Variants in ITPR1 observed in about 807,000 individuals in gnomAD.
The protein encoded by ITPR1 is inositol 1,4,5-trisphosphate-gated calcium channel ITPR1.
In ITPR1, 96 loss-of-function variants were observed where a neutral mutation model predicts 318.4. The observed-to-expected ratio is 0.30, with a 90% CI of 0.26 to 0.36. ITPR1 has a LOEUF of 0.36. Ranked by LOEUF, ITPR1 falls within the 10% of genes least tolerant of loss-of-function variation. The probability of loss-of-function intolerance (pLI) is 1.00; values close to 1 mark genes in which losing one functional copy is unlikely to be tolerated. For synonymous variants in ITPR1, 1,312 were observed against 1,289.9 expected, an observed-to-expected ratio of 1.02 and a Z score of -0.37; for missense variants, 2,440 against 3,460.2, an observed-to-expected ratio of 0.71 and a Z score of 7.40.
chr3:4,771,375 C>T (rs985174258), intron 46 of ITPR1, among the ~76,000 whole-genome samples: 14 of 152,196 alleles, frequency 9.2e-5, no homozygotes, highest in African/African-American at 3.4e-4. Context: ...AGAATCCCTC[C>T]ATGAGTGTCA....
chr3:4,712,799 T>A (rs1328082147), intron 39 of ITPR1, among the ~76,000 whole-genome samples: 3 of 152,236 alleles, frequency 2.0e-5, no homozygotes, highest in Non-Finnish European at 4.4e-5. Context: ...ACTCCTTGGA[T>A]AAGAAAACAG....
chr3:4,727,120 T>A lies in ITPR1; in HGVS notation c.5173-6T>A, dbSNP rs2042572702. On this transcript the variant is annotated splice_region_variant and splice_polypyrimidine_tract_variant and intron_variant, in intron 41 of 61. Transcript: ENST00000649015. ...TATTAAAATGGAATTTCTGCATGCC[T>A]AGCAGGAGCTTGAACCAAGTCCACC... The A allele has an allele frequency of 6.3e-7, 1 of 1,597,802 alleles. No homozygotes were observed. The highest frequency in any genetic ancestry group is 8.5e-7 in the Non-Finnish European group (1 of 1,178,608).
intron 44 of ITPR1, 67 bp from the exon 45 acceptor site, chr3:4,766,463 G>A: frequency 1.5e-6 from 2 of 1,342,444 alleles, no homozygotes; most frequent in Non-Finnish European, 2.1e-6. Context: ...TTAGGTTTTG[G>A]TGTCATGAGT....
chr3:4,646,401 A>G (rs1055890850), intron 10 of ITPR1, among the ~76,000 whole-genome samples: 1 of 152,244 alleles, frequency 6.6e-6, no homozygotes, highest in Non-Finnish European at 1.5e-5. Flanking sequence ...GGAGTAGGTT[A>G]CTTCATGTAA....
At chr3:4,615,196 C>T (rs1467941674) in intron 4 of ITPR1, among the ~76,000 whole-genome samples, 3 of 152,068 alleles carry the variant, frequency 2.0e-5, no homozygotes, top group Non-Finnish European at 4.4e-5. Context: ...TTATCACAGT[C>T]TTTAATAAGC....
chr3:4,583,852 C>A (rs1203827308), intron 4 of ITPR1, among the ~76,000 whole-genome samples: 1 of 152,076 alleles, frequency 6.6e-6, no homozygotes, highest in East Asian at 1.9e-4. Context: ...GGTGATGTAC[C>A]CCTCACTAAT....
Position 4,731,873 on chromosome 3 carries a change from A to G in ITPR1, c.5221-1215A>G, listed in dbSNP as rs578227179. 3.3e-5 allele frequency among the ~76,000 whole-genome samples: 5 copies of G among 152,308 alleles called. No individual in the cohort carries two copies. In the East Asian group the frequency reaches 7.7e-4, roughly 24 times the overall value. On this transcript the variant is annotated intron_variant, in intron 42 of 61. Coordinates refer to ENST00000649015, the MANE Select transcript of ITPR1 (RefSeq NM_001378452.1). ...AGAGCTTATTAACAAATCATTTTAA[A>G]TTCTTCTGACTCATGGTTCAGTTGC...
At chr3:4,702,234 G>A (rs554999503) in intron 35 of ITPR1, among the ~76,000 whole-genome samples, 5 of 152,086 alleles carry the variant, frequency 3.3e-5, no homozygotes, top group South Asian at 4.1e-4. Flanking sequence ...ATGTAACTTC[G>A]AAGTACTCAT....
intron 4 of ITPR1, among the ~76,000 whole-genome samples, chr3:4,536,287 C>T (rs2083863797): frequency 6.6e-6 from 1 of 152,150 alleles, no homozygotes; most frequent in Non-Finnish European, 1.5e-5. Context: ...TTTATGATTT[C>T]AGCTTTTTAA....
intron 5 of ITPR1, among the ~76,000 whole-genome samples, chr3:4,636,147 C>T (rs918168879): frequency 6.6e-5 from 10 of 151,634 alleles, no homozygotes; most frequent in African/African-American, 2.4e-4. Context: ...GCGCCTAGCC[C>T]AGACTTGGTT....
chr3:4,611,637 C>T (rs1019810018), intron 4 of ITPR1, among the ~76,000 whole-genome samples: 4 of 151,384 alleles, frequency 2.6e-5, no homozygotes, highest in South Asian at 2.1e-4. Flanking sequence ...TCCAGGTACT[C>T]GGGAGGCTGA....
Position 4,717,101 on chromosome 3 carries a change from T to C in ITPR1, c.5104-266T>C, listed in dbSNP as rs547538630. ...ATGTCCACAAGCAAGCACACGGCTG[T>C]CTGCACATGTGGTTAAGTGACCTGC... is the stretch of plus-strand genomic sequence containing the variant. On this transcript the variant is annotated intron_variant, in intron 39 of 61. Coordinates refer to ENST00000649015, the MANE Select transcript of ITPR1 (RefSeq NM_001378452.1). Among the ~76,000 whole-genome samples the C allele has an allele frequency of 1.7e-3, 255 of 152,312 alleles. 1 individual carries two copies. The highest frequency in any genetic ancestry group is 5.6e-3 in the African/African-American group (233 of 41,580).
At chr3:4,702,413 T>A (rs1461187606) in intron 35 of ITPR1, among the ~76,000 whole-genome samples, 1 of 152,156 alleles carries the variant, frequency 6.6e-6, no homozygotes, top group Non-Finnish European at 1.5e-5. Context: ...TGGAAGGAAC[T>A]TTGGGGTCAG....
chr3:4,669,809 G>T, intron 19 of ITPR1, 36 bp downstream of exon 19: 1 of 1,575,660 alleles, frequency 6.3e-7, no homozygotes, highest in South Asian at 1.2e-5. Flanking sequence ...GGAAAACATG[G>T]GGTTCATTCA....
At chr3:4,708,325 C>G (rs536013335) in intron 37 of ITPR1, among the ~76,000 whole-genome samples, 1 of 152,148 alleles carries the variant, frequency 6.6e-6, no homozygotes, top group African/African-American at 2.4e-5. Flanking sequence ...GTGTTAAACA[C>G]TTAAACGTGC....
At chr3:4,841,545 T>C (rs543446319) in intron 61 of ITPR1, among the ~76,000 whole-genome samples, 3 of 152,330 alleles carry the variant, frequency 2.0e-5, no homozygotes, top group South Asian at 4.1e-4. Flanking sequence ...ATAGATCCTC[T>C]TCTCTGCCTT....
At chr3:4,631,542 T>C (rs994325233) in intron 5 of ITPR1, among the ~76,000 whole-genome samples, 5 of 152,166 alleles carry the variant, frequency 3.3e-5, no homozygotes, top group Admixed American at 6.5e-5. Flanking sequence ...TCCGGAATTA[T>C]ATTTTGGGGA....
intron 4 of ITPR1, among the ~76,000 whole-genome samples, chr3:4,553,775 A>G (rs968233259): frequency 6.6e-6 from 1 of 151,840 alleles, no homozygotes; most frequent in Non-Finnish European, 1.5e-5. Flanking sequence ...TAATTTTTGT[A>G]TTTTTAGTAG....
chr3:4,601,301 T>C (rs1224097583), intron 4 of ITPR1, among the ~76,000 whole-genome samples: 1 of 150,422 alleles, frequency 6.6e-6, no homozygotes, highest in Non-Finnish European at 1.5e-5. Flanking sequence ...GGAGAATCAC[T>C]TGAGCCCAGG....
Sources: allele counts gnomAD v4.1 joint callset (sites outside exome capture counted in the v4.1 genomes callset), GRCh38; gene constraint gnomAD v4.1.1; transcripts MANE v1.5; gene names NCBI Gene and HGNC (gene_info 2026-07-23, HGNC 2026-07-21).